AR: variants seen among roughly 807,000 people sequenced by gnomAD.
AR encodes androgen receptor.
A neutral mutation model predicts 53.9 loss-of-function variants in AR; 8 were observed. That is an observed-to-expected ratio of 0.15 (90% confidence interval 0.09 to 0.27). The LOEUF (loss-of-function observed/expected upper bound fraction) is 0.27. AR is among the 10% of genes least tolerant of loss of function. The pLI, the probability that AR is intolerant of heterozygous loss-of-function variation, is 1.00. For missense variants in AR, 639 were observed against 742.5 expected, an observed-to-expected ratio of 0.86 and a Z score of 1.62; for synonymous variants, 359 against 316.4, an observed-to-expected ratio of 1.13 and a Z score of -1.43.
intron 4 of AR, 53 bp downstream of exon 4, chrX:67,711,742 C>G (rs1270161264): frequency 8.9e-7 from 1 of 1,129,082 alleles, no homozygotes; most frequent in Admixed American, 2.5e-5. Context: ...ATTTAGTGAA[C>G]GCTCCTATGG....
chrX:67,623,572 C>T (rs917952762), intron 1 of AR, among the ~76,000 whole-genome samples: 7 of 111,178 alleles, frequency 6.3e-5, no homozygotes, highest in African/African-American at 2.3e-4. Flanking sequence ...AGAACCTAAC[C>T]TTCCACCTTA....
chrX:67,690,632 C>A lies in AR; in HGVS notation c.1885+4506C>A, dbSNP rs776879389. Among the ~76,000 whole-genome samples the A allele has an allele frequency of 3.6e-5, 4 of 112,042 alleles. No individual in the cohort carries two copies. In the East Asian group the frequency reaches 8.4e-4, roughly 24 times the overall value. ...TTTACTCACCTATTTATTCATTTAGCAAATATTTATTGAGTACCAACTATG... is the reference window on the plus strand; with the variant it reads ...TTTACTCACCTATTTATTCATTTAGAAAATATTTATTGAGTACCAACTATG... On this transcript the variant is annotated intron_variant, in intron 3 of 7. Transcript: ENST00000374690.
chrX:67,681,013 G>T, intron 2 of AR: 1 of 180,709 alleles, frequency 5.5e-6, no homozygotes. Context: ...GGTAGTCAAG[G>T]GTTTAAGATT....
At chrX:67,609,722 T>G (rs1357080902) in intron 1 of AR, among the ~76,000 whole-genome samples, 1 of 111,571 alleles carries the variant, frequency 9.0e-6, no homozygotes, top group Non-Finnish European at 1.9e-5. Flanking sequence ...ACTTCATGTA[T>G]ATCAATTTTT....
intron 1 of AR, among the ~76,000 whole-genome samples, chrX:67,633,517 T>C (rs989518828): frequency 3.6e-5 from 4 of 112,216 alleles, no homozygotes; most frequent in Non-Finnish European, 7.5e-5. Context: ...AAAATGTTAC[T>C]GTTTGACCTA....
chrX:67,587,049 T>C (rs1187033511), intron 1 of AR, among the ~76,000 whole-genome samples: 2 of 112,167 alleles, frequency 1.8e-5, no homozygotes, highest in Non-Finnish European at 3.8e-5. Flanking sequence ...GATAGCCCTA[T>C]AAAATATGCA....
chrX:67,698,159 T>C (rs987839590), intron 3 of AR, among the ~76,000 whole-genome samples: 3 of 112,119 alleles, frequency 2.7e-5, no homozygotes, highest in African/African-American at 6.5e-5. Context: ...TTTATACATA[T>C]GTAAGGAAAC....
chrX:67,721,058 T>C (rs1432351694), intron 5 of AR, among the ~76,000 whole-genome samples: 1 of 111,498 alleles, frequency 9.0e-6, no homozygotes, highest in Non-Finnish European at 1.9e-5. Flanking sequence ...ATATAATTTA[T>C]AGGTGATAAT....
intron 5 of AR, among the ~76,000 whole-genome samples, chrX:67,721,307 C>T (rs768730795): frequency 8.9e-6 from 1 of 112,085 alleles, no homozygotes; most frequent in South Asian, 3.7e-4. Flanking sequence ...TCTAGTATTC[C>T]AGGCCAGAGG....
Position 67,660,876 on chromosome X carries a change from T to C in AR, c.1768+17469T>C, listed in dbSNP as rs369932801. On this transcript the variant is annotated intron_variant, in intron 2 of 7. Coordinates refer to ENST00000374690, the MANE Select transcript of AR (RefSeq NM_000044.6). Reference sequence around the variant, plus strand: ...GAATGTTCTTCCATTTGTTTGTATCTTCTTTTATTTCATTGAGCAGTGGTT... The same window carrying C: ...GAATGTTCTTCCATTTGTTTGTATCCTCTTTTATTTCATTGAGCAGTGGTT... 9.7e-4 allele frequency among the ~76,000 whole-genome samples: 108 copies of C among 111,367 alleles called. 1 individual carries two copies. Among genetic ancestry groups the C allele is most frequent in the Non-Finnish European group, 3.0e-4 (16 of 53,005 alleles).
intron 3 of AR, among the ~76,000 whole-genome samples, chrX:67,708,490 C>T (rs970997788): frequency 8.9e-5 from 10 of 111,935 alleles, no homozygotes. Flanking sequence ...GTTTTCAGCT[C>T]CATCAGGTCA....
chrX:67,712,302 G>A (rs937394460), intron 4 of AR, among the ~76,000 whole-genome samples: 2 of 111,784 alleles, frequency 1.8e-5, no homozygotes, highest in Non-Finnish European at 3.8e-5. Flanking sequence ...TTTGAAAAAA[G>A]GAACGCTTTT....
At chrX:67,591,695 C>T (rs953188331) in intron 1 of AR, among the ~76,000 whole-genome samples, 1 of 111,360 alleles carries the variant, frequency 9.0e-6, no homozygotes, top group Non-Finnish European at 1.9e-5. Context: ...AACATAAAAT[C>T]CTCCAAGGGG....
chrX:67,677,806 T>TTCAC (rs2147486645), intron 2 of AR, among the ~76,000 whole-genome samples: 1 of 111,384 alleles, frequency 9.0e-6, no homozygotes, highest in African/African-American at 3.3e-5. Flanking sequence ...ATCTGTAAAA[T>TTCAC]GAGATTGTTG....
At chrX:67,664,001 T>C (rs1411255551) in intron 2 of AR, among the ~76,000 whole-genome samples, 1 of 111,857 alleles carries the variant, frequency 8.9e-6, no homozygotes, top group East Asian at 2.8e-4. Flanking sequence ...CTGCATTGGT[T>C]ATTCTAGTTA....
chrX:67,559,421 C>A (rs1921202103), intron 1 of AR, among the ~76,000 whole-genome samples: 1 of 111,838 alleles, frequency 8.9e-6, no homozygotes, highest in African/African-American at 3.3e-5. Context: ...AAAATGTCAG[C>A]ATGTGGGATT....
chrX:67,720,879 T>TACACACAC (rs113739371), intron 5 of AR, among the ~76,000 whole-genome samples: 11 of 100,807 alleles, frequency 1.1e-4, no homozygotes, highest in African/African-American at 4.0e-4. Flanking sequence ...ATTTCTGTCT[T>TACACACAC]ACACACACAC....
At chrX:67,671,527 AT>A (rs1471184477) in intron 2 of AR, among the ~76,000 whole-genome samples, 1 of 111,486 alleles carries the variant, frequency 9.0e-6, no homozygotes, top group East Asian at 2.8e-4. Flanking sequence ...GATTGCAAAA[AT>A]TTTCTCCCAT....
chrX:67,592,474 G>A (rs374565142), intron 1 of AR, among the ~76,000 whole-genome samples: 20 of 110,707 alleles, frequency 1.8e-4, no homozygotes, highest in South Asian at 1.2e-3. Flanking sequence ...TACCTTTCTA[G>A]GAGTATCTCT....
Sources: gnomAD v4.1 joint callset for allele counts (sites outside exome capture counted in the v4.1 genomes callset) on GRCh38, gnomAD v4.1.1 for gene constraint, MANE v1.5 for transcripts, NCBI Gene and HGNC (gene_info 2026-07-23, HGNC 2026-07-21) for gene names.